The following ATP13A5 variants were observed in gnomAD, a reference collection of about 807,000 sequenced individuals.
The protein encoded by ATP13A5 is ATPase 13A5.
In ATP13A5, 149 loss-of-function variants were observed where a neutral mutation model predicts 150.2. The observed-to-expected ratio is 0.99, with a 90% CI of 0.87 to 1.14. The LOEUF (loss-of-function observed/expected upper bound fraction) is 1.14, where lower values mean the gene tolerates loss of function less well. Ranked by LOEUF, ATP13A5 falls within the 50% of genes most tolerant of loss-of-function variation. The pLI is 0.00. For synonymous variants in ATP13A5, 497 were observed against 522.2 expected (o/e 0.95, Z 0.66); for missense variants, 1,383 against 1,449.3 (o/e 0.95, Z 0.74).
At chr3:193,368,171 T>C (rs1250755455) in intron 1 of ATP13A5, among the ~76,000 whole-genome samples, 1 of 152,210 alleles carries the variant, frequency 6.6e-6, no homozygotes, top group African/African-American at 2.4e-5. Flanking sequence ...TGTGTTTGTA[T>C]ATATTAGTAA....
intron 5 of ATP13A5, among the ~76,000 whole-genome samples, chr3:193,356,809 A>G (rs761914346): frequency 1.6e-4 from 23 of 146,354 alleles, no homozygotes; most frequent in Non-Finnish European, 2.8e-4. Flanking sequence ...GCAGAAACAG[A>G]TTTTTTTTTC....
intron 25 of ATP13A5, among the ~76,000 whole-genome samples, chr3:193,298,318 A>G (rs1718254497): frequency 6.6e-6 from 1 of 152,142 alleles, no homozygotes; most frequent in Admixed American, 6.6e-5. Context: ...AAAATATTTT[A>G]ATGAACTATG....
intron 11 of ATP13A5, among the ~76,000 whole-genome samples, chr3:193,331,901 C>G (rs971981497): frequency 2.0e-5 from 3 of 152,156 alleles, no homozygotes; most frequent in African/African-American, 7.2e-5. Context: ...AAATAATTTT[C>G]CCAAGGCCAC....
chr3:193,330,236 T>A (rs1711578728), intron 12 of ATP13A5, among the ~76,000 whole-genome samples: 2 of 152,128 alleles, frequency 1.3e-5, no homozygotes, highest in Non-Finnish European at 2.9e-5. Context: ...AGGCCTCTAT[T>A]AAACACACAT....
intron 1 of ATP13A5, among the ~76,000 whole-genome samples, chr3:193,368,500 T>C (rs1030282512): frequency 5.9e-5 from 9 of 151,634 alleles, no homozygotes; most frequent in African/African-American, 2.2e-4. Flanking sequence ...TTGAAACGAA[T>C]AAATGTGGAA....
intron 9 of ATP13A5, among the ~76,000 whole-genome samples, chr3:193,342,776 C>G (rs989744957): frequency 1.3e-5 from 2 of 152,178 alleles, no homozygotes; most frequent in African/African-American, 4.8e-5. Context: ...GCCACACTCT[C>G]TGTTACCAAT....
Position 193,362,560 on chromosome 3 carries a change from T to G in ATP13A5, c.455+7A>C, listed in dbSNP as rs764549576. Reference sequence around the variant, plus strand: ...CTGACCAAGGGGTGACAAAACATTGTACTTACCCAACTTTCTGAAACCGCT... The same window carrying G: ...CTGACCAAGGGGTGACAAAACATTGGACTTACCCAACTTTCTGAAACCGCT... On this transcript the variant is annotated splice_region_variant and intron_variant, in intron 4 of 29. Coordinates refer to ENST00000342358, the MANE Select transcript of ATP13A5 (RefSeq NM_198505.4). 21 of 1,613,908 alleles carry G rather than the reference T, an allele frequency of 1.3e-5. No individual in the cohort carries two copies. The African/African-American group carries it at 2.7e-4, about 21-fold the overall frequency.
chr3:193,275,577 C>T (rs2108809787), intron 29 of ATP13A5, among the ~76,000 whole-genome samples: 1 of 151,866 alleles, frequency 6.6e-6, no homozygotes, highest in South Asian at 2.1e-4. Flanking sequence ...ATGATTTTCC[C>T]CTCAGACTGA....
At chr3:193,326,600 G>T (rs528231398) in intron 13 of ATP13A5, among the ~76,000 whole-genome samples, 8 of 152,190 alleles carry the variant, frequency 5.3e-5, no homozygotes, top group Admixed American at 5.2e-4. Flanking sequence ...AATTTTCATG[G>T]CCTGTGTTGT....
intron 6 of ATP13A5, among the ~76,000 whole-genome samples, chr3:193,352,946 C>T (rs4568065): frequency 0.54 from 81,836 of 151,292 alleles, 22,319 homozygotes; most frequent in African/African-American, 0.61. Flanking sequence ...ATCTAGGAGC[C>T]CCTTTCTCGG....
chr3:193,311,372 A>C (rs1272067323), intron 20 of ATP13A5, among the ~76,000 whole-genome samples: 5 of 152,226 alleles, frequency 3.3e-5, no homozygotes, highest in Non-Finnish European at 7.3e-5. Flanking sequence ...ACAGAGGACA[A>C]GATAACAAAT....
At chr3:193,357,109 C>T (rs1028715660) in intron 5 of ATP13A5, among the ~76,000 whole-genome samples, 2 of 152,196 alleles carry the variant, frequency 1.3e-5, no homozygotes, top group African/African-American at 4.8e-5. Flanking sequence ...CCACCATGCC[C>T]AGCCCAGAAA....
At chr3:193,284,831 A>G in intron 27 of ATP13A5, 83 bp downstream of exon 27, 1 of 1,135,038 alleles carries the variant, frequency 8.8e-7, no homozygotes, top group Non-Finnish European at 1.2e-6. Flanking sequence ...TCAGCCCATC[A>G]TTTCACCAGT....
intron 28 of ATP13A5, among the ~76,000 whole-genome samples, chr3:193,277,327 T>C (rs1717265582): frequency 6.6e-6 from 1 of 152,296 alleles, no homozygotes; most frequent in South Asian, 2.1e-4. Flanking sequence ...TAATGAAAGT[T>C]GAATGAACCC....
chr3:193,336,956 G>C (rs1711895107), intron 9 of ATP13A5, among the ~76,000 whole-genome samples: 1 of 152,180 alleles, frequency 6.6e-6, no homozygotes, highest in African/African-American at 2.4e-5. Flanking sequence ...GTGTCTCATT[G>C]TGGTTTTGAT....
At position 193,311,960 on chromosome 3, in the gene ATP13A5, C is replaced by A; in HGVS notation, c.2320-19G>T. The A allele has an allele frequency of 3.1e-6, 5 of 1,612,528 alleles. No homozygotes were observed. In the East Asian group the frequency reaches 8.9e-5, roughly 29 times the overall value. On this transcript the variant is annotated intron_variant, in intron 19 of 29. Transcript: ENST00000342358. The stretch of plus-strand genomic sequence containing the variant: ...AGATTTCCTAAAATCAAAAGGGCAT[C>A]ATTTCTACATTGACTCCTAAGGAGT...
intron 1 of ATP13A5, among the ~76,000 whole-genome samples, chr3:193,376,036 G>C (rs1713630031): frequency 6.6e-6 from 1 of 152,132 alleles, no homozygotes; most frequent in South Asian, 2.1e-4. Flanking sequence ...AAGAGCAAGT[G>C]GGGCGAGGCT....
chr3:193,305,195 G>T (rs896119562), intron 23 of ATP13A5, among the ~76,000 whole-genome samples: 1 of 152,160 alleles, frequency 6.6e-6, no homozygotes, highest in Non-Finnish European at 1.5e-5. Flanking sequence ...ATCTAATGAA[G>T]TATTTCCTTT....
At chr3:193,351,038 T>C (rs756779948) in intron 7 of ATP13A5, 29 bp downstream of exon 7, 4 of 1,610,464 alleles carry the variant, frequency 2.5e-6, no homozygotes, top group African/African-American at 1.3e-5. Context: ...AGAAGCTAAA[T>C]AGAATCTGGC....
Sources: gnomAD v4.1 joint callset for allele counts (sites outside exome capture counted in the v4.1 genomes callset) on GRCh38, gnomAD v4.1.1 for gene constraint, MANE v1.5 for transcripts, NCBI Gene and HGNC (gene_info 2026-07-23, HGNC 2026-07-21) for gene names.